ADAMTSL1: variants seen among roughly 807,000 people sequenced by gnomAD.
ADAMTSL1 encodes ADAMTS-like protein 1.
In ADAMTSL1, 126 loss-of-function variants were observed where a neutral mutation model predicts 201.8. The observed-to-expected ratio is 0.62, with a 90% CI of 0.54 to 0.72. The LOEUF (loss-of-function observed/expected upper bound fraction) is 0.72, where lower values mean the gene tolerates loss of function less well. ADAMTSL1 is among the 30% of genes least tolerant of loss of function. ADAMTSL1 has a pLI of 0.00. For missense variants in ADAMTSL1, 2,679 were observed against 2,277.8 expected, an observed-to-expected ratio of 1.18 and a Z score of -3.59; for synonymous variants, 1,121 against 903.4, an observed-to-expected ratio of 1.24 and a Z score of -4.32.
chr9:18,083,911 C>T (rs148537308), intron 1 of ADAMTSL1, among the ~76,000 whole-genome samples: 11 of 152,250 alleles, frequency 7.2e-5, no homozygotes, highest in African/African-American at 2.6e-4. Context: ...TTTCCGTAGA[C>T]CTAGACCAAT....
chr9:18,327,950 T>C (rs1364287639), intron 2 of ADAMTSL1, among the ~76,000 whole-genome samples: 1 of 152,198 alleles, frequency 6.6e-6, no homozygotes, highest in Non-Finnish European at 1.5e-5. Context: ...TTTGTTTGTT[T>C]GTTTGTTTTT....
chr9:18,021,077 T>C lies in ADAMTSL1; in HGVS notation c.87+114155T>C, dbSNP rs1264606129. Among the ~76,000 whole-genome samples, 3 of 152,100 alleles carry C rather than the reference T, an allele frequency of 2.0e-5. No individual in the cohort carries two copies. The East Asian group carries it at 5.8e-4, about 30-fold the overall frequency. On this transcript the variant is annotated intron_variant, in intron 1 of 29. Transcript: ENST00000680146. Reference sequence around the variant, plus strand: ...AAATACTTGGACCTCACCTCAGGTGTAATGAATCAGGCTCTCTGGGGCTTT... The same window carrying C: ...AAATACTTGGACCTCACCTCAGGTGCAATGAATCAGGCTCTCTGGGGCTTT...
chr9:18,005,283 C>T (rs1040737196), intron 1 of ADAMTSL1, among the ~76,000 whole-genome samples: 3 of 152,016 alleles, frequency 2.0e-5, no homozygotes, highest in African/African-American at 7.2e-5. Context: ...AAGGCCTGCA[C>T]AGCTCACTAG....
At chr9:18,413,166 G>C (rs1327625367) in intron 2 of ADAMTSL1, among the ~76,000 whole-genome samples, 1 of 77,740 alleles carries the variant, frequency 1.3e-5, no homozygotes, top group Non-Finnish European at 2.6e-5. Context: ...TTTTTTTTTT[G>C]AGATGGAATT....
intron 20 of ADAMTSL1, among the ~76,000 whole-genome samples, chr9:18,806,049 G>A (rs1382378763): frequency 6.6e-6 from 1 of 152,178 alleles, no homozygotes; most frequent in Non-Finnish European, 1.5e-5. Context: ...TGATGGCAAA[G>A]ACTAGGGGAA....
chr9:18,696,954 A>G (rs988243856), intron 13 of ADAMTSL1, among the ~76,000 whole-genome samples: 1 of 150,902 alleles, frequency 6.6e-6, no homozygotes, highest in Non-Finnish European at 1.5e-5. Context: ...ATCTCAGCTC[A>G]CTGCAAACTC....
At chr9:18,199,540 T>C (rs972294864) in intron 2 of ADAMTSL1, among the ~76,000 whole-genome samples, 15 of 152,092 alleles carry the variant, frequency 9.9e-5, no homozygotes, top group African/African-American at 3.4e-4. Flanking sequence ...TGAAGTTATT[T>C]GTATTTTGAC....
chr9:18,604,434 A>G (rs36077277), intron 4 of ADAMTSL1, among the ~76,000 whole-genome samples: 9,330 of 152,258 alleles, frequency 0.061, 372 homozygotes, highest in Non-Finnish European at 0.091. Flanking sequence ...CCCTCTTCCT[A>G]ACCCCCAGTA....
chr9:18,777,926 T>A lies in ADAMTSL1; in HGVS notation c.3677+20T>A. On this transcript the variant is annotated intron_variant, in intron 19 of 28. Transcript: ENST00000380548. ...TGACAGGTGAGCCTTGTAGCTAACC[T>A]GGTCTTGGGAGGGAGGCAAGGGGCC... 5 of 1,520,090 alleles carry A rather than the reference T, an allele frequency of 3.3e-6. No homozygotes were observed. The highest frequency in any genetic ancestry group is 4.4e-6 in the Non-Finnish European group (5 of 1,132,530). 94.2% of individuals were successfully genotyped at this position (1,520,090 alleles called of 1,614,324 possible).
At chr9:18,081,668 T>A (rs961704188) in intron 1 of ADAMTSL1, among the ~76,000 whole-genome samples, 1 of 152,200 alleles carries the variant, frequency 6.6e-6, no homozygotes, top group Non-Finnish European at 1.5e-5. Flanking sequence ...AATTAGAAAA[T>A]GACTTGCTTT....
intron 1 of ADAMTSL1, among the ~76,000 whole-genome samples, chr9:17,962,096 G>C (rs1415378982): frequency 6.6e-6 from 1 of 152,214 alleles, no homozygotes; most frequent in Non-Finnish European, 1.5e-5. Flanking sequence ...TTGAGGGTCA[G>C]AGCTGGAGAT....
At chr9:17,916,144 C>T (rs187922666) in intron 1 of ADAMTSL1, among the ~76,000 whole-genome samples, 1 of 152,310 alleles carries the variant, frequency 6.6e-6, no homozygotes, top group Admixed American at 6.5e-5. Flanking sequence ...TGGTCTCGAA[C>T]CCCAGGCCTC....
intron 1 of ADAMTSL1, among the ~76,000 whole-genome samples, chr9:18,068,135 A>T (rs1220244185): frequency 6.6e-6 from 1 of 152,078 alleles, no homozygotes; most frequent in Non-Finnish European, 1.5e-5. Context: ...ACTTCCTGTG[A>T]ATCAGTAAAG....
chr9:18,829,981 A>G lies in ADAMTSL1; in HGVS notation c.4249+4A>G. Reference sequence around the variant, plus strand: ...CCTGGGAATTCTGCTCTCCTTGGTGAGTCTAACCCTCGGAAACATTGGGCA... The same window carrying G: ...CCTGGGAATTCTGCTCTCCTTGGTGGGTCTAACCCTCGGAAACATTGGGCA... On this transcript the variant is annotated splice_donor_region_variant and intron_variant, in intron 23 of 28. Coordinates refer to ENST00000380548, the MANE Select transcript of ADAMTSL1 (RefSeq NM_001040272.6). 3 of 1,606,258 alleles carry G rather than the reference A, an allele frequency of 1.9e-6. No individual in the cohort carries two copies. The highest frequency in any genetic ancestry group is 2.6e-6 in the Non-Finnish European group (3 of 1,176,418).
chr9:18,121,324 C>T (rs995145625), intron 1 of ADAMTSL1, among the ~76,000 whole-genome samples: 2 of 152,024 alleles, frequency 1.3e-5, no homozygotes, highest in South Asian at 2.1e-4. Context: ...ACAGTTACAC[C>T]GACAAAAAAC....
chr9:18,897,880 C>T (rs72614253), intron 26 of ADAMTSL1, among the ~76,000 whole-genome samples: 13,987 of 152,146 alleles, frequency 0.092, 727 homozygotes, highest in East Asian at 0.18. Context: ...AAGTTGGCTT[C>T]AGACGGTGGA....
intron 1 of ADAMTSL1, among the ~76,000 whole-genome samples, chr9:17,947,490 A>G (rs1404925061): frequency 1.3e-5 from 2 of 152,078 alleles, no homozygotes; most frequent in East Asian, 3.9e-4. Flanking sequence ...GCTGTATTCT[A>G]CCAAATTTTT....
intron 26 of ADAMTSL1, among the ~76,000 whole-genome samples, chr9:18,897,202 C>G (rs1289538328): frequency 6.6e-6 from 1 of 152,202 alleles, no homozygotes; most frequent in Non-Finnish European, 1.5e-5. Context: ...CTGGGTTATA[C>G]TAACAGATGT....
chr9:18,388,151 A>G (rs7874157), intron 2 of ADAMTSL1, among the ~76,000 whole-genome samples: 12,199 of 151,976 alleles, frequency 0.08, 1,468 homozygotes, highest in African/African-American at 0.26. Flanking sequence ...CCTGAATTTT[A>G]CACATTTTTT....
Sources: gnomAD v4.1 joint callset for allele counts (sites outside exome capture counted in the v4.1 genomes callset) on GRCh38, gnomAD v4.1.1 for gene constraint, MANE v1.5 for transcripts, NCBI Gene and HGNC (gene_info 2026-07-23, HGNC 2026-07-21) for gene names.